ETV1: variants seen among roughly 807,000 people sequenced by gnomAD.
The protein encoded by ETV1 is ETS translocation variant 1.
In ETV1, 27 loss-of-function variants were observed where a neutral mutation model predicts 62.3. That is an observed-to-expected ratio of 0.43 (90% confidence interval 0.32 to 0.60). The LOEUF (loss-of-function observed/expected upper bound fraction) is 0.60, where lower values mean the gene tolerates loss of function less well. Ranked by LOEUF, ETV1 falls within the 20% of genes least tolerant of loss-of-function variation. ETV1 has a pLI of 0.06. For synonymous variants in ETV1, 222 were observed against 199.6 expected (o/e 1.11, Z -0.94); for missense variants, 605 against 605.8 (o/e 1.00, Z 0.01).
chr7:13,942,123 A>C (rs75025125), intron 6 of ETV1, among the ~76,000 whole-genome samples: 5 of 145,738 alleles, frequency 3.4e-5, no homozygotes, highest in South Asian at 2.1e-4. Flanking sequence ...TCCCGGGTTC[A>C]CGCCATTCTC....
At chr7:13,896,243 A>AT (rs1781763882) in intron 13 of ETV1, among the ~76,000 whole-genome samples, 156 bp from the exon 14 acceptor site, 1 of 152,112 alleles carries the variant, frequency 6.6e-6, no homozygotes, top group Non-Finnish European at 1.5e-5. Context: ...ACATAAAAAA[A>AT]AAAAAGTCTT....
chr7:13,953,463 C>A (rs1194280366), intron 6 of ETV1, among the ~76,000 whole-genome samples: 1 of 152,088 alleles, frequency 6.6e-6, no homozygotes, highest in Non-Finnish European at 1.5e-5. Context: ...ATGGACAATA[C>A]ATATTTAGAA....
chr7:13,948,425 G>A (rs1788417733), intron 6 of ETV1, among the ~76,000 whole-genome samples: 1 of 152,216 alleles, frequency 6.6e-6, no homozygotes, highest in Non-Finnish European at 1.5e-5. Flanking sequence ...TTTGGAGGAA[G>A]AGCCTTGAAG....
At chr7:13,956,215 T>A (rs909257866) in intron 6 of ETV1, among the ~76,000 whole-genome samples, 1 of 152,166 alleles carries the variant, frequency 6.6e-6, no homozygotes, top group African/African-American at 2.4e-5. Context: ...TGTTCTTAAT[T>A]TTCACCCTAT....
Position 13,988,098 on chromosome 7 carries a change from G to C in ETV1, c.121C>G (p.His41Asp). 3.7e-6 allele frequency: 6 copies of C among 1,610,046 alleles called. No homozygotes were observed. The highest frequency in any genetic ancestry group is 5.1e-6 in the Non-Finnish European group (6 of 1,176,416). Residue 41 changes from histidine (H) to aspartate (D), a missense_variant, in exon 4 of 14, where the codon CAT (histidine) becomes GAT (aspartate). Around this residue, in one of 3 missense-constraint regions of ETV1, gnomAD observed 426 missense variants for 377.8 expected, o/e 1.13. Coordinates refer to ENST00000430479, the MANE Select transcript of ETV1 (RefSeq NM_004956.5). ...KRKFINRDLA[H>D]DSEELFQDLS... ...AATCAAACCTCACCTTCTGAATCAT[G>C]AGCCAGATCTCTGTTAATGAATTTT...
chr7:13,893,413 C>A lies in ETV1; in HGVS notation c.*2453G>T, dbSNP rs1216647645. On this transcript the variant is annotated 3_prime_UTR_variant, in exon 14 of 14. Coordinates refer to ENST00000430479, the MANE Select transcript of ETV1 (RefSeq NM_004956.5). ...TTATAATGTAATATTTTCAACCCTTCTGTATTGGAAATACACTTAATGTTG... is the reference window on the plus strand; with the variant it reads ...TTATAATGTAATATTTTCAACCCTTATGTATTGGAAATACACTTAATGTTG... 2.6e-5 allele frequency: 6 copies of A among 230,466 alleles called. No individual in the cohort carries two copies. The highest frequency in any genetic ancestry group is 4.3e-5 in the Non-Finnish European group (5 of 116,524). The allele number at this position is 230,466 out of a possible 1,614,324, so 14.3% of individuals were successfully genotyped here.
At position 13,894,396 on chromosome 7, in the gene ETV1, C is replaced by T. The variant is rs1477208458; in HGVS notation, c.*1470G>A. ...AAAAAACTTTGAAACTTTAAATCTT[C>T]TTTCAAACAATCCAATCACATTTAC... is the stretch of plus-strand genomic sequence containing the variant. On this transcript the variant is annotated 3_prime_UTR_variant, in exon 14 of 14. Transcript: ENST00000430479. 4.3e-6 allele frequency: 1 copy of T among 232,320 alleles called. No individual in the cohort carries two copies. Among genetic ancestry groups the T allele is most frequent in the Non-Finnish European group, 8.5e-6 (1 of 117,310 alleles). 14.4% of individuals were successfully genotyped at this position (232,320 alleles called of 1,614,324 possible). A position where few individuals can be genotyped will look rare whatever the true frequency, so the allele number is the denominator to read the frequency against.
In ETV1 at chr7:13,895,315, C is replaced by G. The variant is rs1291106353; in HGVS notation, c.*551G>C. The G allele has an allele frequency of 8.6e-6, 2 of 233,872 alleles. No individual in the cohort carries two copies. Among genetic ancestry groups the G allele is most frequent in the Non-Finnish European group, 1.7e-5 (2 of 118,318 alleles). 14.5% of individuals were successfully genotyped at this position (233,872 alleles called of 1,614,324 possible). A position where few individuals can be genotyped will look rare whatever the true frequency, so the allele number is the denominator to read the frequency against. ...AAACAACAAACAGCAAATGCAATCGCTAAATACCTTTTTACAAGTGGTGCA... is the reference window on the plus strand; with the variant it reads ...AAACAACAAACAGCAAATGCAATCGGTAAATACCTTTTTACAAGTGGTGCA... On this transcript the variant is annotated 3_prime_UTR_variant, in exon 14 of 14. Coordinates refer to ENST00000430479, the MANE Select transcript of ETV1 (RefSeq NM_004956.5).
At chr7:13,917,116 T>C (rs1784260451) in intron 9 of ETV1, among the ~76,000 whole-genome samples, 1 of 152,046 alleles carries the variant, frequency 6.6e-6, no homozygotes, top group Non-Finnish European at 1.5e-5. Context: ...CCTGGGGTTT[T>C]CTTTTGGACA....
chr7:13,916,552 C>A (rs150429059), intron 9 of ETV1, among the ~76,000 whole-genome samples: 1 of 152,036 alleles, frequency 6.6e-6, no homozygotes, highest in South Asian at 2.1e-4. Context: ...GCAGGAGAAT[C>A]GCTTGAACCC....
upstream of ETV1, chr7:13,991,387 G>A (rs1391674314): frequency 2.0e-5 from 3 of 152,334 alleles, no homozygotes; most frequent in African/African-American, 4.8e-5. Context: ...CGGAGCTTCG[G>A]GTTAGGTCCC....
chr7:13,912,118 C>A (rs1469715591), intron 9 of ETV1, among the ~76,000 whole-genome samples: 1 of 152,166 alleles, frequency 6.6e-6, no homozygotes, highest in African/African-American at 2.4e-5. Context: ...TTGACTGCTG[C>A]ACACCTGGAT....
chr7:13,911,857 T>A (rs1470737697), intron 9 of ETV1, among the ~76,000 whole-genome samples: 3 of 152,246 alleles, frequency 2.0e-5, no homozygotes, highest in South Asian at 4.1e-4. Flanking sequence ...TCTGCATTTA[T>A]AATAGGGTTG....
At chr7:13,896,935 T>A (rs1781908245) in intron 13 of ETV1, among the ~76,000 whole-genome samples, 1 of 151,646 alleles carries the variant, frequency 6.6e-6, no homozygotes, top group Non-Finnish European at 1.5e-5. Flanking sequence ...TGTAAAAAAG[T>A]GAAAGGAATT....
At chr7:13,990,212 A>T (rs1782927320), upstream of ETV1, among the ~76,000 whole-genome samples, 1 of 152,140 alleles carries the variant, frequency 6.6e-6, no homozygotes, top group Admixed American at 6.6e-5. Flanking sequence ...AAAACCCACC[A>T]TCACCATTAT....
intron 6 of ETV1, among the ~76,000 whole-genome samples, chr7:13,957,906 A>G (rs1298974737): frequency 1.3e-5 from 2 of 152,214 alleles, no homozygotes; most frequent in Non-Finnish European, 2.9e-5. Flanking sequence ...CAATCCTATG[A>G]TCACAACCGT....
rs1479276970 is a variant in ETV1, at chr7:13,906,443, A to G, written c.1097T>C (p.Ile366Thr). The change falls in exon 12 of 14, where the codon ATT becomes ACT. Residue 366 changes from isoleucine to threonine, a missense_variant. Physicochemically the swap from Ile to Thr is moderately conservative, Grantham distance 89. Around this residue, in one of 3 missense-constraint regions of ETV1, gnomAD observed 100 missense variants for 156.4 expected, o/e 0.64. Coordinates refer to ENST00000430479, the MANE Select transcript of ETV1 (RefSeq NM_004956.5). ...WTGRGMEFKL[I>T]EPEEVARRWG... ...TATTAAACTAACCTCTTCAGGCTCA[A>G]TCAGTTTAAATTCCATGCCTCGACC... The G allele has an allele frequency of 3.1e-6, 5 of 1,599,808 alleles. No individual in the cohort carries two copies. In the African/African-American group the frequency reaches 6.7e-5, roughly 22 times the overall value.
chr7:13,952,185 C>T (rs1205451505), intron 6 of ETV1, among the ~76,000 whole-genome samples: 2 of 152,164 alleles, frequency 1.3e-5, no homozygotes, highest in African/African-American at 4.8e-5. Context: ...GTTCCTACCC[C>T]AGCTAGCTGC....
intron 6 of ETV1, among the ~76,000 whole-genome samples, chr7:13,942,321 C>A (rs1001284282): frequency 6.6e-6 from 1 of 151,472 alleles, no homozygotes; most frequent in African/African-American, 2.4e-5. Context: ...CCGTGCCCGG[C>A]CTCTTTTTTT....
Sources: allele counts gnomAD v4.1 joint callset (sites outside exome capture counted in the v4.1 genomes callset), GRCh38; gene constraint gnomAD v4.1.1; regional missense constraint gnomAD v4.1.1; transcripts MANE v1.5; gene names NCBI Gene and HGNC (gene_info 2026-07-23, HGNC 2026-07-21).